Variants in BEST3 observed in about 807,000 individuals in gnomAD.
BEST3 encodes bestrophin-3.
Under a neutral mutation model 47.1 loss-of-function variants are expected in BEST3, and 50 were observed. The ratio of observed to expected loss-of-function variants is 1.06; its 90% CI spans 0.85 to 1.34. The LOEUF is 1.34. Among genes scored for constraint, BEST3 ranks in the 40% most tolerant of loss-of-function variants. The probability of loss-of-function intolerance (pLI) is 0.00; values close to 1 mark genes in which losing one functional copy is unlikely to be tolerated. For synonymous variants in BEST3, 282 were observed against 298.8 expected (o/e 0.94, Z 0.58); for missense variants, 765 against 817.0 (o/e 0.94, Z 0.78).
rs1440316332 is a variant in BEST3, at chr12:69,694,374, C to T, written c.243G>A (p.Val81=). ...RYAEQIPVTF[V]LGFYVTLVVN... ...CTGCGTGTGACCTATACTTACCAAG[C>T]ACAAAGGTTACTGGAATTTGTTCAG... The change falls in exon 3 of 10, where the codon GTG becomes GTA. Residue 81 remains valine (V), a synonymous_variant. Transcript: ENST00000330891. 4 of 1,599,862 alleles carry T rather than the reference C, an allele frequency of 2.5e-6. No individual in the cohort carries two copies. Among genetic ancestry groups the T allele is most frequent in the African/African-American group, 1.3e-5 (1 of 74,220 alleles).
chr12:69,645,615 A>G (rs1005512114), intron 9 of BEST3, among the ~76,000 whole-genome samples: 10 of 152,242 alleles, frequency 6.6e-5, no homozygotes, highest in Non-Finnish European at 1.2e-4. Flanking sequence ...ATCAGCAATG[A>G]GCCTAGGGGA....
Position 69,645,792 on chromosome 12 carries a change from T to C in BEST3, c.1101-2005A>G, listed in dbSNP as rs1360667951. 5.0e-5 allele frequency among the ~76,000 whole-genome samples: 5 copies of C among 100,076 alleles called. No individual in the cohort carries two copies. The Admixed American group carries it at 5.2e-4, about 10-fold the overall frequency. The allele number at this position is 100,076 out of a possible 152,430, so 65.7% of individuals were successfully genotyped here. On this transcript the variant is annotated intron_variant, in intron 9 of 9. Coordinates refer to the BEST3 transcript ENST00000331471. Reference sequence around the variant, plus strand: ...CACCAGGCACATCCTAAGTACCCAATAGTTGTAACCCTCCCTTTCCTGACC... The same window carrying C: ...CACCAGGCACATCCTAAGTACCCAACAGTTGTAACCCTCCCTTTCCTGACC...
chr12:69,678,539 A>G (rs1432781831), intron 5 of BEST3, among the ~76,000 whole-genome samples, 200 bp downstream of exon 5: 2 of 152,212 alleles, frequency 1.3e-5, no homozygotes, highest in Non-Finnish European at 2.9e-5. Context: ...GCTTCCAAGG[A>G]ACCATTTCCA....
chr12:69,660,225 TAGA>T (rs1361477860), intron 9 of BEST3: 2 of 152,168 alleles, frequency 1.3e-5, no homozygotes, highest in Non-Finnish European at 2.9e-5. Context: ...GCTTTGAAAG[TAGA>T]AGATGTAAAA....
At position 69,654,367 on chromosome 12, in the gene BEST3, G is replaced by C; in HGVS notation, c.*540C>G. The stretch of plus-strand genomic sequence containing the variant: ...TGATGAAGCTTAAGAATCAGGAAGT[G>C]ATAATAACAATAATAGTTATAAAAG... On this transcript the variant is annotated 3_prime_UTR_variant, in exon 10 of 10. Coordinates refer to ENST00000330891, the MANE Select transcript of BEST3 (RefSeq NM_032735.3). 3 of 984,960 alleles carry C rather than the reference G, an allele frequency of 3.0e-6. No individual in the cohort carries two copies. Among genetic ancestry groups the C allele is most frequent in the Non-Finnish European group, 3.6e-6 (3 of 829,592 alleles). The allele number at this position is 984,960 out of a possible 1,614,324, so 61.0% of individuals were successfully genotyped here. A position where few individuals can be genotyped will look rare whatever the true frequency, so the allele number is the denominator to read the frequency against.
At chr12:69,692,012 C>A (rs1314058517) in intron 4 of BEST3, among the ~76,000 whole-genome samples, 1 of 152,176 alleles carries the variant, frequency 6.6e-6, no homozygotes, top group Admixed American at 6.5e-5. Flanking sequence ...AAACCTCCAA[C>A]CTTCTCTTTG....
In BEST3 at chr12:69,699,156, G is replaced by A. The variant is rs148483832; in HGVS notation, c.-16+49C>T. ...CTCTGCCAGGAAAATGAAAATCACAGCAAGTAGAGGTCAGAATTAAAATGC... is the reference window on the plus strand; with the variant it reads ...CTCTGCCAGGAAAATGAAAATCACAACAAGTAGAGGTCAGAATTAAAATGC... On this transcript the variant is annotated intron_variant, in intron 1 of 9. Transcript: ENST00000330891. 9 of 934,450 alleles carry A rather than the reference G, an allele frequency of 9.6e-6. No homozygotes were observed. The African/African-American group carries it at 1.4e-4, about 15-fold the overall frequency. 57.9% of individuals were successfully genotyped at this position (934,450 alleles called of 1,614,324 possible). A position where few individuals can be genotyped will look rare whatever the true frequency, so the allele number is the denominator to read the frequency against.
At chr12:69,658,136 A>C (rs1441201027) in intron 9 of BEST3, among the ~76,000 whole-genome samples, 1 of 152,220 alleles carries the variant, frequency 6.6e-6, no homozygotes, top group African/African-American at 2.4e-5. Flanking sequence ...CAATCTCTCT[A>C]TATAGGACAG....
At chr12:69,677,678 G>A (rs1340268219) in intron 5 of BEST3, among the ~76,000 whole-genome samples, 1 of 152,154 alleles carries the variant, frequency 6.6e-6, no homozygotes, top group Non-Finnish European at 1.5e-5. Context: ...TTACTCCAGA[G>A]GCTGAGGTGG....
In BEST3 at chr12:69,654,515, G is replaced by A; in HGVS notation, c.*392C>T. ...AAAAAAAGAAAGAGAAAAAAGAAGA[G>A]AAATAGAGAACCCTGCGTGTCTGGG... On this transcript the variant is annotated 3_prime_UTR_variant, in exon 10 of 10. Transcript: ENST00000330891. 1 of 992,900 alleles carries A rather than the reference G, an allele frequency of 1.0e-6. No individual in the cohort carries two copies. Among genetic ancestry groups the A allele is most frequent in the Non-Finnish European group, 1.2e-6 (1 of 835,134 alleles). 61.5% of individuals were successfully genotyped at this position (992,900 alleles called of 1,614,324 possible).
At position 69,694,050 on chromosome 12, in the gene BEST3, G is replaced by GA. The variant is rs200604871; in HGVS notation, c.248-144dup. On this transcript the variant is annotated intron_variant, in intron 3 of 9. Transcript: ENST00000330891. ...CCATATCTTCTGATTTTGCCTTCCA[G>GA]AAAAAAAATGTCATTTGTGCCTGGC... is the stretch of plus-strand genomic sequence containing the variant. 1,414 of 674,318 alleles carry GA rather than the reference G, an allele frequency of 2.1e-3. 16 individuals carry two copies. The African/African-American group carries it at 0.022, about 11-fold the overall frequency. 41.8% of individuals were successfully genotyped at this position (674,318 alleles called of 1,614,324 possible). A position where few individuals can be genotyped will look rare whatever the true frequency, so the allele number is the denominator to read the frequency against.
chr12:69,667,300 T>G (rs1945929952), intron 9 of BEST3, among the ~76,000 whole-genome samples: 1 of 152,202 alleles, frequency 6.6e-6, no homozygotes, highest in Non-Finnish European at 1.5e-5. Context: ...TTTTTTTCTT[T>G]TTTTGAGATG....
At chr12:69,657,516 T>A (rs1348778629) in intron 9 of BEST3, among the ~76,000 whole-genome samples, 2 of 152,186 alleles carry the variant, frequency 1.3e-5, no homozygotes, top group Non-Finnish European at 2.9e-5. Context: ...GCCACACATC[T>A]CTGTGGAATT....
Position 69,671,451 on chromosome 12 carries a change from A to G in BEST3, c.1077T>C (p.Phe359=). 1 of 1,614,036 alleles carries G rather than the reference A, an allele frequency of 6.2e-7. No individual in the cohort carries two copies. The highest frequency in any genetic ancestry group is 1.1e-5 in the South Asian group (1 of 91,052). Residue 359 remains phenylalanine (F), a synonymous_variant, in exon 9 of 10, where the codon TTT becomes TTC. Transcript: ENST00000330891. ...LAAADYCIPS[F]LGSTVQMGLS... is the part of the protein sequence containing the mutation. ...ACCCCATCTGGACTGTTGACCCCAG[A>G]AATGAGGGTATGCAGTAGTCAGCAG...
rs780769904 is a variant in BEST3 at position 69,654,923 on chromosome 12, T to G, written c.1991A>C (p.Glu664Ala). Reference sequence around the variant, plus strand: ...TGGTGGCACTCATTTGGGTGATTCCTCAGTTTCCTTGTTCAGCTCTATGAT... The same window carrying G: ...TGGTGGCACTCATTTGGGTGATTCCGCAGTTTCCTTGTTCAGCTCTATGAT... ...TDIIELNKET[E>A]ESPK Residue 664 changes from glutamate (E) to alanine (A), a missense_variant, in exon 10 of 10, where the codon GAG (glutamate) becomes GCG (alanine). Physicochemically the swap from Glu to Ala is moderately radical, Grantham distance 107 (BLOSUM62 -1). Coordinates refer to ENST00000330891, the MANE Select transcript of BEST3 (RefSeq NM_032735.3). 83 of 1,610,686 alleles carry G rather than the reference T, an allele frequency of 5.2e-5. No individual in the cohort carries two copies. Among genetic ancestry groups the G allele is most frequent in the Non-Finnish European group, 7.0e-5 (82 of 1,177,698 alleles).
chr12:69,680,951 T>C (rs1885222390), intron 4 of BEST3, among the ~76,000 whole-genome samples: 1 of 151,862 alleles, frequency 6.6e-6, no homozygotes, highest in Non-Finnish European at 1.5e-5. Flanking sequence ...TAATAGTTAA[T>C]AGTATATAAT....
At chr12:69,669,968 G>A (rs1884458344) in intron 9 of BEST3, 1 of 155,242 alleles carries the variant, frequency 6.4e-6, no homozygotes, top group African/African-American at 2.4e-5. Flanking sequence ...AGTCTAAATA[G>A]AGTTATCACA....
At chr12:69,665,368 G>A (rs1593148484) in intron 9 of BEST3, among the ~76,000 whole-genome samples, 2 of 152,142 alleles carry the variant, frequency 1.3e-5, no homozygotes, top group Admixed American at 1.3e-4. Flanking sequence ...CAAGGTGGGC[G>A]GATCACTTGA....
chr12:69,660,324 T>C (rs1266198957), intron 9 of BEST3: 1 of 152,202 alleles, frequency 6.6e-6, no homozygotes, highest in African/African-American at 2.4e-5. Context: ...GAGATGATAA[T>C]GTGTGTCTGA....
Sources: allele counts gnomAD v4.1 joint callset (sites outside exome capture counted in the v4.1 genomes callset), GRCh38; gene constraint gnomAD v4.1.1; transcripts MANE v1.5; gene names NCBI Gene and HGNC (gene_info 2026-07-23, HGNC 2026-07-21).